The following PTPRR variants were observed in gnomAD, a reference collection of about 807,000 sequenced individuals.
PTPRR encodes receptor-type tyrosine-protein phosphatase R.
PTPRR carries 38 observed loss-of-function variants against 77.2 expected under a neutral mutation model. The ratio of observed to expected loss-of-function variants is 0.49; its 90% CI spans 0.38 to 0.65. PTPRR has a LOEUF of 0.65. Among genes scored for constraint, PTPRR ranks in the 30% least tolerant of loss-of-function variants. The pLI, the probability that PTPRR is intolerant of heterozygous loss-of-function variation, is 0.00. For missense variants in PTPRR, 744 were observed against 799.2 expected, an observed-to-expected ratio of 0.93 and a Z score of 0.83; for synonymous variants, 299 against 283.1, an observed-to-expected ratio of 1.06 and a Z score of -0.57.
At chr12:70,840,277 G>A (rs1244641861) in intron 2 of PTPRR, among the ~76,000 whole-genome samples, 4 of 151,902 alleles carry the variant, frequency 2.6e-5, no homozygotes, top group Non-Finnish European at 5.9e-5. Context: ...CATCTCCAAA[G>A]CCAGAATAGC....
chr12:70,754,559 C>A, intron 4 of PTPRR: 1 of 1,595,676 alleles, frequency 6.3e-7, no homozygotes, highest in Non-Finnish European at 8.5e-7. Context: ...TTCTAAACAT[C>A]CCTCAGCGTC....
chr12:70,660,911 T>C, intron 12 of PTPRR, 29 bp downstream of exon 12: 7 of 1,589,082 alleles, frequency 4.4e-6, no homozygotes, highest in Non-Finnish European at 6.0e-6. Flanking sequence ...GGGCCATTGC[T>C]TAGACAGAAA....
At chr12:70,666,947 T>G (rs1254516675) in intron 10 of PTPRR, among the ~76,000 whole-genome samples, 2 of 82,054 alleles carry the variant, frequency 2.4e-5, no homozygotes, top group Non-Finnish European at 5.0e-5. Context: ...TTTTTTTTTT[T>G]TTTTTTTTTT....
At chr12:70,867,390 C>T (rs1320543413) in intron 2 of PTPRR, among the ~76,000 whole-genome samples, 1 of 151,968 alleles carries the variant, frequency 6.6e-6, no homozygotes, top group Non-Finnish European at 1.5e-5. Flanking sequence ...TTCTTATACA[C>T]CAATAACAGA....
rs369529858 is a variant in PTPRR, at chr12:70,780,254, C to T, written c.358-15476G>A. Among the ~76,000 whole-genome samples the T allele has an allele frequency of 6.2e-3, 939 of 152,098 alleles. 12 individuals carry two copies. Among genetic ancestry groups the T allele is most frequent in the African/African-American group, 0.021 (877 of 41,480 alleles). On this transcript the variant is annotated intron_variant, in intron 2 of 13. Coordinates refer to ENST00000283228, the MANE Select transcript of PTPRR (RefSeq NM_002849.4). ...ATCCACCTGCCTTGGCCTCCCAAAG[C>T]GCTGGGATTACAGGCGTGAGCCACT...
chr12:70,902,280 G>T (rs1244497377), intron 1 of PTPRR, among the ~76,000 whole-genome samples: 1 of 151,748 alleles, frequency 6.6e-6, no homozygotes, highest in Non-Finnish European at 1.5e-5. Context: ...ACTAAAAGTA[G>T]AACTACTGTT....
chr12:70,741,514 G>T (rs1329272115), intron 6 of PTPRR, among the ~76,000 whole-genome samples: 1 of 152,150 alleles, frequency 6.6e-6, no homozygotes, highest in Non-Finnish European at 1.5e-5. Flanking sequence ...GACCTTTGCT[G>T]TATTCGGGCT....
chr12:70,845,336 C>A (rs944186935), intron 2 of PTPRR, among the ~76,000 whole-genome samples: 2 of 151,846 alleles, frequency 1.3e-5, no homozygotes, highest in African/African-American at 4.8e-5. Context: ...AACCACCCCC[C>A]AAAAAAAGGA....
chr12:70,811,386 C>T (rs1035510456), intron 2 of PTPRR, among the ~76,000 whole-genome samples: 1 of 152,170 alleles, frequency 6.6e-6, no homozygotes, highest in Admixed American at 6.5e-5. Context: ...TGTAGTCTGG[C>T]TGGTTAAATA....
intron 1 of PTPRR, among the ~76,000 whole-genome samples, chr12:70,909,918 T>A (rs1893676465): frequency 1.3e-5 from 2 of 152,200 alleles, no homozygotes; most frequent in Non-Finnish European, 2.9e-5. Context: ...AGGATTTAGT[T>A]TCTTCAACAT....
intron 6 of PTPRR, among the ~76,000 whole-genome samples, chr12:70,707,701 C>T (rs79715181): frequency 0.015 from 2,351 of 152,086 alleles, 30 homozygotes; most frequent in East Asian, 0.07. Context: ...AGTGGGCACT[C>T]GCAGTGTGGA....
At chr12:70,761,080 A>G (rs1163825033) in intron 4 of PTPRR, among the ~76,000 whole-genome samples, 1 of 152,208 alleles carries the variant, frequency 6.6e-6, no homozygotes, top group Non-Finnish European at 1.5e-5. Context: ...GACAATGACG[A>G]CAATGAGGGG....
chr12:70,728,468 A>ATG (rs200503453), intron 6 of PTPRR, among the ~76,000 whole-genome samples: 23 of 18,568 alleles, frequency 1.2e-3, no homozygotes, highest in South Asian at 0.015. Flanking sequence ...ATATACATAT[A>ATG]TGTGTATATA....
At chr12:70,777,109 T>C (rs1891105051) in intron 2 of PTPRR, among the ~76,000 whole-genome samples, 1 of 152,064 alleles carries the variant, frequency 6.6e-6, no homozygotes, top group South Asian at 2.1e-4. Flanking sequence ...CTATACATTT[T>C]GTTCCACAAC....
At chr12:70,839,421 A>AG (rs1892358034) in intron 2 of PTPRR, among the ~76,000 whole-genome samples, 1 of 151,582 alleles carries the variant, frequency 6.6e-6, no homozygotes, top group Non-Finnish European at 1.5e-5. Context: ...AATTAAGGGA[A>AG]AAATCTTAGA....
intron 4 of PTPRR, 111 bp from the exon 5 acceptor site, chr12:70,754,412 A>C: frequency 6.4e-7 from 1 of 1,566,802 alleles, no homozygotes; most frequent in Non-Finnish European, 8.6e-7. Context: ...GTAGTGCAAC[A>C]CACCTACACC....
chr12:70,801,046 A>C (rs1043639816), intron 2 of PTPRR, among the ~76,000 whole-genome samples: 1 of 152,222 alleles, frequency 6.6e-6, no homozygotes, highest in Non-Finnish European at 1.5e-5. Flanking sequence ...TAACAATTTT[A>C]AAAAAGAACT....
intron 2 of PTPRR, among the ~76,000 whole-genome samples, chr12:70,804,502 C>A (rs1281946618): frequency 2.6e-5 from 4 of 151,874 alleles, no homozygotes; most frequent in African/African-American, 9.7e-5. Flanking sequence ...GATGCTGCAG[C>A]TGCAGTAAGC....
chr12:70,872,195 C>G (rs1469504535), intron 2 of PTPRR, among the ~76,000 whole-genome samples: 1 of 151,892 alleles, frequency 6.6e-6, no homozygotes, highest in African/African-American at 2.4e-5. Flanking sequence ...TTAGATATAA[C>G]TTTTATTTCA....
Sources: allele counts gnomAD v4.1 joint callset (sites outside exome capture counted in the v4.1 genomes callset), GRCh38; gene constraint gnomAD v4.1.1; transcripts MANE v1.5; gene names NCBI Gene and HGNC (gene_info 2026-07-23, HGNC 2026-07-21).